Variants in RGP1 observed in about 807,000 individuals in gnomAD.
The protein encoded by RGP1 is RGP1 partner of RAB6A GEF complex, also known as RAB6A-GEF complex partner protein 2.
RGP1 carries 28 observed loss-of-function variants against 44.5 expected under a neutral mutation model. The observed-to-expected ratio is 0.63, with a 90% CI of 0.47 to 0.86. The LOEUF is 0.86. RGP1 is among the 40% of genes least tolerant of loss of function. The pLI is 0.00. For synonymous variants in RGP1, 212 were observed against 196.7 expected (o/e 1.08, Z -0.65); for missense variants, 417 against 490.7 (o/e 0.85, Z 1.42).
chr9:35,784,981 C>T, the RGP1 span, among the ~76,000 whole-genome samples: 1 of 152,106 alleles, frequency 6.6e-6, no homozygotes, highest in Non-Finnish European at 1.5e-5. Context: ...GACAGGAAGC[C>T]CCATTCCTTT....
At chr9:35,778,310 G>A in the RGP1 span, among the ~76,000 whole-genome samples, 3 of 152,012 alleles carry the variant, frequency 2.0e-5, no homozygotes, top group Non-Finnish European at 4.4e-5. Context: ...GTCAAAAAAA[G>A]GTATACAAAA....
At chr9:35,776,639 C>T in the RGP1 span, among the ~76,000 whole-genome samples, 3 of 151,960 alleles carry the variant, frequency 2.0e-5, no homozygotes, top group Non-Finnish European at 2.9e-5. Flanking sequence ...AAGTGTCATC[C>T]TTGGCCCTCA....
chr9:35,782,277 T>C, the RGP1 span, among the ~76,000 whole-genome samples: 1 of 152,168 alleles, frequency 6.6e-6, no homozygotes, highest in Non-Finnish European at 1.5e-5. Flanking sequence ...AAATAATTAT[T>C]AGAAGGAAGA....
At chr9:35,781,833 A>T in the RGP1 span, among the ~76,000 whole-genome samples, 2 of 152,192 alleles carry the variant, frequency 1.3e-5, no homozygotes, top group African/African-American at 4.8e-5. Flanking sequence ...GATCTCTTAA[A>T]TCAAAATTTA....
chr9:35,750,418 G>A (rs766429440), intron 3 of RGP1, 39 bp downstream of exon 3: 2 of 1,609,044 alleles, frequency 1.2e-6, no homozygotes, highest in African/African-American at 1.3e-5. Context: ...GGGGGGTGCG[G>A]AGGGTGTGTG....
chr9:35,750,868 G>C lies in RGP1; in HGVS notation c.366G>C (p.Glu122Asp), dbSNP rs1363295312. Residue 122 changes from glutamate (E) to aspartate (D), a missense_variant, in exon 5 of 9, where the codon GAG (glutamate) becomes GAC (aspartate). By Grantham distance (45) the Glu-to-Asp change is conservative (BLOSUM62 2). Transcript: ENST00000378078. ...SYSYSEVLPIEGPPSFRGQSV... is the reference protein window; with the variant it reads ...SYSYSEVLPIDGPPSFRGQSV... Reference sequence around the variant, plus strand: ...CCTACAGTGAAGTGCTGCCCATAGAGGGACCACCCTCCTTTCGGGGTCAGT... The same window carrying C: ...CCTACAGTGAAGTGCTGCCCATAGACGGACCACCCTCCTTTCGGGGTCAGT... 1 of 1,614,008 alleles carries C rather than the reference G, an allele frequency of 6.2e-7. No individual in the cohort carries two copies. The highest frequency in any genetic ancestry group is 1.1e-5 in the South Asian group (1 of 91,084).
At chr9:35,760,722 C>A (rs148537545), downstream of RGP1, among the ~76,000 whole-genome samples, 25 of 151,204 alleles carry the variant, frequency 1.7e-4, no homozygotes, top group African/African-American at 5.9e-4. Flanking sequence ...ACCTTCCCAC[C>A]CCCAACCAGG....
At chr9:35,785,708 C>T in the RGP1 span, among the ~76,000 whole-genome samples, 7 of 152,266 alleles carry the variant, frequency 4.6e-5, no homozygotes, top group African/African-American at 1.4e-4. Context: ...CTTTAGATGG[C>T]GCCGGGGTTC....
the RGP1 span, among the ~76,000 whole-genome samples, chr9:35,778,869 A>G: frequency 3.3e-5 from 5 of 152,230 alleles, no homozygotes; most frequent in Non-Finnish European, 4.4e-5. Context: ...GAGAGTATAC[A>G]TGGCTTTCAT....
At chr9:35,779,101 G>T in the RGP1 span, among the ~76,000 whole-genome samples, 1 of 152,110 alleles carries the variant, frequency 6.6e-6, no homozygotes, top group African/African-American at 2.4e-5. Context: ...GTCCAAAGCT[G>T]GGACAAAGAG....
rs1369014542 is a variant in RGP1 at position 35,751,937 on chromosome 9, A to G, written c.763-19A>G. ...CAGACAGCACTTCCTGTTAGCACAC[A>G]CCTGTCTCTTGCTCCCAGTTTTCAG... On this transcript the variant is annotated intron_variant, in intron 7 of 8. Coordinates refer to ENST00000378078, the MANE Select transcript of RGP1 (RefSeq NM_001080496.3). 17 of 1,563,036 alleles carry G rather than the reference A, an allele frequency of 1.1e-5. No individual in the cohort carries two copies. Among genetic ancestry groups the G allele is most frequent in the Non-Finnish European group, 1.4e-5 (16 of 1,153,442 alleles).
chr9:35,754,090 T>A lies in RGP1; in HGVS notation c.*1216T>A, dbSNP rs767766047. ...CAGATGATCCCCCAGCCTCCTAGGA[T>A]CCCCTTGGCCTGTCCAGCCCAGAGC... On this transcript the variant is annotated 3_prime_UTR_variant, in exon 9 of 9. Transcript: ENST00000378078. 6.2e-6 allele frequency: 10 copies of A among 1,613,540 alleles called. No individual in the cohort carries two copies. In the East Asian group the frequency reaches 2.2e-4, roughly 36 times the overall value.
Position 35,753,848 on chromosome 9 carries a change from G to A in RGP1, c.*974G>A. The A allele has an allele frequency of 1.3e-6, 2 of 1,522,200 alleles. No homozygotes were observed. The highest frequency in any genetic ancestry group is 1.7e-5 in the Admixed American group (1 of 58,230). 94.3% of individuals were successfully genotyped at this position (1,522,200 alleles called of 1,614,324 possible). On this transcript the variant is annotated 3_prime_UTR_variant, in exon 9 of 9. Coordinates refer to ENST00000378078, the MANE Select transcript of RGP1 (RefSeq NM_001080496.3). This position sits in a 1 kb window ranked among gnomAD's most constrained non-coding sequence, Gnocchi z 4.2. ...GCTCTTCTGGTCTGGGGTGGAGACAGTAAGTACGCACTATCCCCGTATTTA... is the reference window on the plus strand; with the variant it reads ...GCTCTTCTGGTCTGGGGTGGAGACAATAAGTACGCACTATCCCCGTATTTA...
At chr9:35,765,959 T>C in the RGP1 span, among the ~76,000 whole-genome samples, 10 of 151,266 alleles carry the variant, frequency 6.6e-5, no homozygotes, top group African/African-American at 9.7e-5. Flanking sequence ...CTCAGCCTCC[T>C]GAGTAGCTGG....
chr9:35,767,581 T>C, the RGP1 span, among the ~76,000 whole-genome samples: 5 of 152,194 alleles, frequency 3.3e-5, no homozygotes, highest in African/African-American at 1.2e-4. Context: ...TCTTGGATGA[T>C]GAGTAGGATT....
At chr9:35,750,573 G>A in intron 3 of RGP1, 85 bp from the exon 4 acceptor site, 1 of 1,464,724 alleles carries the variant, frequency 6.8e-7, no homozygotes, top group East Asian at 2.3e-5. Flanking sequence ...GGGCCTGGCA[G>A]CCTTTCACTA....
the RGP1 span, among the ~76,000 whole-genome samples, chr9:35,768,639 G>T: frequency 6.6e-6 from 1 of 152,210 alleles, no homozygotes; most frequent in Non-Finnish European, 1.5e-5. Context: ...CTAGCACAGA[G>T]CTGGACCATG....
Position 35,753,161 on chromosome 9 carries a change from TCAGGCCCTCCCC to T in RGP1, c.*289_*300del. ...GGTGTTGGCTGAGCCCCATTCTGGG[TCAGGCCCTCCCC>T]CTTTGCAGGGCAGCCGAGGGTCAGA... On this transcript the variant is annotated 3_prime_UTR_variant, in exon 9 of 9. Transcript: ENST00000378078. This position sits in a 1 kb window ranked among gnomAD's most constrained non-coding sequence, Gnocchi z 4.2. 6.2e-7 allele frequency: 1 copy of T among 1,614,118 alleles called. No homozygotes were observed. Among genetic ancestry groups the T allele is most frequent in the African/African-American group, 1.3e-5 (1 of 75,028 alleles).
chr9:35,779,969 C>T, the RGP1 span, among the ~76,000 whole-genome samples: 2 of 152,148 alleles, frequency 1.3e-5, no homozygotes, highest in Non-Finnish European at 2.9e-5. Flanking sequence ...AACTCCTGGG[C>T]TCAAGTGATC....
Sources: allele counts gnomAD v4.1 joint callset (sites outside exome capture counted in the v4.1 genomes callset), GRCh38; gene constraint gnomAD v4.1.1; non-coding constraint Gnocchi (gnomAD v3.1); transcripts MANE v1.5; gene names NCBI Gene and HGNC (gene_info 2026-07-23, HGNC 2026-07-21).